Variants in BRWD1 observed in about 807,000 individuals in gnomAD.
BRWD1 encodes bromodomain and WD repeat domain containing 1, also known as bromodomain and WD repeat-containing protein 1.
Under a neutral mutation model 251.2 loss-of-function variants are expected in BRWD1, and 82 were observed. The ratio of observed to expected loss-of-function variants is 0.33; its 90% confidence interval spans 0.27 to 0.39. BRWD1 has a LOEUF of 0.39. BRWD1 is among the 10% of genes least tolerant of loss of function. The probability of loss-of-function intolerance (pLI) is 1.00; values close to 1 mark genes in which losing one functional copy is unlikely to be tolerated. For synonymous variants in BRWD1, 918 were observed against 902.8 expected (o/e 1.02, Z -0.30); for missense variants, 2,233 against 2,711.6 (o/e 0.82, Z 3.92).
At position 39,189,124 on chromosome 21, in the gene BRWD1, A is replaced by C. The variant is rs2031410667; in HGVS notation, c.*7135T>G. ...ATTAAATCAATGTTAGCAAATGCTA[A>C]AATGTAAATATGCTACAAAGGGTAA... On this transcript the variant is annotated 3_prime_UTR_variant, in exon 41 of 41. Coordinates refer to ENST00000342449, the MANE Select transcript of BRWD1 (RefSeq NM_033656.4). 1 of 984,334 alleles carries C rather than the reference A, an allele frequency of 1.0e-6. No individual in the cohort carries two copies. Among genetic ancestry groups the C allele is most frequent in the Non-Finnish European group, 1.2e-6 (1 of 829,008 alleles). The allele number at this position is 984,334 out of a possible 1,614,324, so 61.0% of individuals were successfully genotyped here.
chr21:39,309,552 C>T (rs559503632), intron 4 of BRWD1, among the ~76,000 whole-genome samples: 20 of 150,306 alleles, frequency 1.3e-4, no homozygotes, highest in African/African-American at 4.7e-4. Context: ...AGGCCGGGCG[C>T]GGTGGCTCAC....
intron 25 of BRWD1, among the ~76,000 whole-genome samples, chr21:39,230,266 T>C (rs1168235196): frequency 1.3e-5 from 2 of 152,178 alleles, no homozygotes; most frequent in Admixed American, 6.6e-5. Context: ...ATCAAATGGA[T>C]TTGCCATAGT....
chr21:39,193,304 A>G lies in BRWD1; in HGVS notation c.*2955T>C. On this transcript the variant is annotated 3_prime_UTR_variant, in exon 41 of 41. Coordinates refer to ENST00000342449, the MANE Select transcript of BRWD1 (RefSeq NM_033656.4). ...ATAAACTGAGAAATGATTTAATCAGATATTTGCCACTTACAAAAAGGGAGG... is the reference window on the plus strand; with the variant it reads ...ATAAACTGAGAAATGATTTAATCAGGTATTTGCCACTTACAAAAAGGGAGG... 1 of 985,176 alleles carries G rather than the reference A, an allele frequency of 1.0e-6. No homozygotes were observed. The highest frequency in any genetic ancestry group is 1.2e-6 in the Non-Finnish European group (1 of 829,738). The allele number at this position is 985,176 out of a possible 1,614,324, so 61.0% of individuals were successfully genotyped here. A position where few individuals can be genotyped will look rare whatever the true frequency, so the allele number is the denominator to read the frequency against.
At chr21:39,277,753 T>TG (rs1285919606) in intron 10 of BRWD1, among the ~76,000 whole-genome samples, 6 of 152,004 alleles carry the variant, frequency 3.9e-5, no homozygotes, top group Non-Finnish European at 7.4e-5. Context: ...TTAGTAGAGA[T>TG]GGGGGTCTCA....
chr21:39,308,899 G>A (rs2036375237), intron 4 of BRWD1, among the ~76,000 whole-genome samples: 1 of 152,140 alleles, frequency 6.6e-6, no homozygotes, highest in Non-Finnish European at 1.5e-5. Flanking sequence ...GAAGGGGCAG[G>A]ATGCGGTGAG....
At chr21:39,207,451 A>AACACACACACACACACACACACACACAC (rs58765400) in intron 36 of BRWD1, among the ~76,000 whole-genome samples, 2 of 131,288 alleles carry the variant, frequency 1.5e-5, no homozygotes, top group East Asian at 2.1e-4. Flanking sequence ...AAAAAAAGAA[A>AACACACACACACACACACACACACACAC]ACACACACAC....
rs1338801198 is a variant in BRWD1 at position 39,202,358 on chromosome 21, T to G, written c.4552A>C (p.Asn1518His). 4 of 1,613,682 alleles carry G rather than the reference T, an allele frequency of 2.5e-6. No homozygotes were observed. Among genetic ancestry groups the G allele is most frequent in the Non-Finnish European group, 2.5e-6 (3 of 1,179,654 alleles). ...SAESSERRKR[N>H]RPITNGSTLS... is the part of the protein sequence containing the mutation. ...GTAGAACCATTTGTTATAGGTCTAT[T>G]TCTTTTCCTCCTTTCTGATGATTCT... The change falls in exon 38 of 41, where the codon AAT becomes CAT. Residue 1518 changes from asparagine to histidine, a missense_variant. By Grantham distance (68) the Asn-to-His change is moderately conservative. Around this residue, in one of 12 missense-constraint regions of BRWD1, gnomAD observed 928 missense variants for 970.0 expected, o/e 0.96. Coordinates refer to ENST00000342449, the MANE Select transcript of BRWD1 (RefSeq NM_033656.4).
chr21:39,255,768 C>G lies in BRWD1; in HGVS notation c.2132G>C (p.Gly711Ala). The G allele has an allele frequency of 2.5e-6, 4 of 1,614,166 alleles. No individual in the cohort carries two copies. The highest frequency in any genetic ancestry group is 3.4e-6 in the Non-Finnish European group (4 of 1,180,016). Residue 711 changes from glycine to alanine, a missense_variant, in exon 19 of 41, where the codon GGA (glycine) becomes GCA (alanine). Around this residue, in one of 12 missense-constraint regions of BRWD1, gnomAD observed 35 missense variants for 76.3 expected, o/e 0.46. Coordinates refer to ENST00000342449, the MANE Select transcript of BRWD1 (RefSeq NM_033656.4). ...SPPNIGLRRS[G>A]QVEGVRQMHQ... ...CATCTGACGAACACCTTCAACTTGT[C>G]CACTACGACGCAGACCAATATTTGG...
At chr21:39,217,411 T>A (rs1409025818) in intron 31 of BRWD1, 2 of 201,212 alleles carry the variant, frequency 9.9e-6, no homozygotes, top group Non-Finnish European at 2.0e-5. Flanking sequence ...ACAAAAATTA[T>A]TTTTAAATGA....
intron 40 of BRWD1, 146 bp downstream of exon 40, chr21:39,198,617 G>C (rs1315036988): frequency 1.6e-6 from 1 of 643,840 alleles, no homozygotes; most frequent in Admixed American, 3.1e-5. Flanking sequence ...AACAGAGAAG[G>C]CTAACACAGA....
intron 5 of BRWD1, chr21:39,297,231 C>A (rs1049647482): frequency 1.0e-6 from 1 of 985,320 alleles, no homozygotes; most frequent in Non-Finnish European, 1.2e-6. Flanking sequence ...AAAGGGAAGG[C>A]ATCATACTAA....
intron 4 of BRWD1, among the ~76,000 whole-genome samples, chr21:39,303,601 C>T (rs978175611): frequency 1.1e-4 from 16 of 150,580 alleles, no homozygotes; most frequent in African/African-American, 2.7e-4. Flanking sequence ...GGGAGACTGA[C>T]GGCAGATCAT....
At chr21:39,198,613 G>T in intron 40 of BRWD1, 150 bp downstream of exon 40, 1 of 623,726 alleles carries the variant, frequency 1.6e-6, no homozygotes. Context: ...GATGAACAGA[G>T]AAGGCTAACA....
intron 7 of BRWD1, among the ~76,000 whole-genome samples, chr21:39,294,344 A>C (rs890373638): frequency 5.9e-5 from 9 of 152,182 alleles, no homozygotes; most frequent in African/African-American, 2.2e-4. Flanking sequence ...CGGCTCTCTT[A>C]TATCAACTAA....
chr21:39,205,351 C>T (rs563667147), intron 37 of BRWD1, among the ~76,000 whole-genome samples: 1 of 152,092 alleles, frequency 6.6e-6, no homozygotes, highest in Non-Finnish European at 1.5e-5. Context: ...GTGACACACC[C>T]CTGTTATCCC....
At chr21:39,293,494 A>G (rs904460937) in intron 8 of BRWD1, among the ~76,000 whole-genome samples, 7 of 148,550 alleles carry the variant, frequency 4.7e-5, no homozygotes, top group Non-Finnish European at 1.0e-4. Context: ...CTCAGTCTCA[A>G]AAAAAAAAAA....
rs992025395 is a variant in BRWD1, at chr21:39,295,182, T to C, written c.609+561A>G. Among the ~76,000 whole-genome samples the C allele has an allele frequency of 3.2e-5, 4 of 126,824 alleles. No individual in the cohort carries two copies. The South Asian group carries it at 1.1e-3, about 35-fold the overall frequency. The allele number at this position is 126,824 out of a possible 152,430, so 83.2% of individuals were successfully genotyped here. ...AGTGTTAGGTATGTCTATGTTTTTTTTTTTTTTTTTTTTTTTTTTTTTGAG... is the reference window on the plus strand; with the variant it reads ...AGTGTTAGGTATGTCTATGTTTTTTCTTTTTTTTTTTTTTTTTTTTTTGAG... On this transcript the variant is annotated intron_variant, in intron 7 of 40. Transcript: ENST00000342449.
At chr21:39,299,995 A>C (rs962721426) in intron 4 of BRWD1, among the ~76,000 whole-genome samples, 2 of 152,020 alleles carry the variant, frequency 1.3e-5, no homozygotes, top group African/African-American at 4.8e-5. Context: ...AAAAAAATAA[A>C]GTTAAAGAAA....
chr21:39,232,154 A>G, intron 25 of BRWD1, 23 bp downstream of exon 25: 1 of 1,521,468 alleles, frequency 6.6e-7, no homozygotes, highest in Non-Finnish European at 9.1e-7. Context: ...ATGTTTAATG[A>G]TTTAATAATG....
Sources: allele counts gnomAD v4.1 joint callset (sites outside exome capture counted in the v4.1 genomes callset), GRCh38; gene constraint gnomAD v4.1.1; regional missense constraint gnomAD v4.1.1; transcripts MANE v1.5; gene names NCBI Gene and HGNC (gene_info 2026-07-23, HGNC 2026-07-21).